EPM2A: variants seen among roughly 807,000 people sequenced by gnomAD.
EPM2A encodes the protein EPM2A glucan phosphatase, laforin, also known as laforin.
EPM2A carries 21 observed loss-of-function variants against 26.5 expected under a neutral mutation model. That is an observed-to-expected ratio of 0.79 (90% CI 0.56 to 1.14). EPM2A has a LOEUF of 1.14. Among genes scored for constraint, EPM2A ranks in the 50% most tolerant of loss-of-function variants. EPM2A has a pLI of 0.00. For synonymous variants in EPM2A, 217 were observed against 177.6 expected (o/e 1.22, Z -1.76); for missense variants, 458 against 440.8 (o/e 1.04, Z -0.35).
chr6:145,620,666 T>C (rs1775614044), downstream of EPM2A, among the ~76,000 whole-genome samples: 1 of 152,260 alleles, frequency 6.6e-6, no homozygotes, highest in South Asian at 2.1e-4. Flanking sequence ...GTAATGACAA[T>C]GACCTGTTCT....
At chr6:145,557,940 T>G (rs1364557615) in intron 2 of EPM2A, among the ~76,000 whole-genome samples, 3 of 152,088 alleles carry the variant, frequency 2.0e-5, no homozygotes, top group Non-Finnish European at 4.4e-5. Flanking sequence ...CCTTTGTTTT[T>G]CCATAAGTGG....
intron 2 of EPM2A, among the ~76,000 whole-genome samples, chr6:145,679,748 C>T (rs564412078): frequency 3.1e-4 from 47 of 152,164 alleles, no homozygotes; most frequent in African/African-American, 1.1e-3. Context: ...AAAACAAAAA[C>T]AAAAACACTT....
At chr6:145,682,915 A>C (rs1780646629) in intron 2 of EPM2A, among the ~76,000 whole-genome samples, 1 of 152,284 alleles carries the variant, frequency 6.6e-6, no homozygotes, top group East Asian at 1.9e-4. Flanking sequence ...CATTGTATAA[A>C]TGCTCAAACA....
intron 1 of EPM2A, among the ~76,000 whole-genome samples, chr6:145,724,682 A>C (rs1325174164): frequency 6.6e-6 from 1 of 152,100 alleles, no homozygotes; most frequent in African/African-American, 2.4e-5. Flanking sequence ...CTGAATAGAG[A>C]GCACAGAAAT....
intron 4 of EPM2A, among the ~76,000 whole-genome samples, chr6:145,458,559 T>C (rs1360792045): frequency 1.3e-5 from 2 of 152,100 alleles, no homozygotes; most frequent in Non-Finnish European, 2.9e-5. Flanking sequence ...GTTACAAAAG[T>C]CTCCCTGTAG....
At position 145,508,252 on chromosome 6, in the gene EPM2A, C is replaced by T. The variant is rs1780005968; in HGVS notation, c.341-5677G>A. The stretch of plus-strand genomic sequence containing the variant: ...CACTTCCTGGGCTTCTCCATTGGCT[C>T]TACCCCCACCAAAGGTGAGCATGAG... On this transcript the variant is annotated intron_variant, in intron 2 of 3. Transcript: ENST00000450221. 2.0e-5 allele frequency among the ~76,000 whole-genome samples: 3 copies of T among 152,190 alleles called. No homozygotes were observed. In the South Asian group the frequency reaches 6.2e-4, roughly 31 times the overall value.
In EPM2A at chr6:145,702,358, G is replaced by A. The variant is rs927147989; in HGVS notation, c.302-16062C>T. On this transcript the variant is annotated intron_variant, in intron 1 of 3. Transcript: ENST00000367519. ...AGACAGTATTTTATAGCAGTTAAGT[G>A]CATGGGCTCAAGATTCAGACTCAGA... is the stretch of plus-strand genomic sequence containing the variant. 2.0e-5 allele frequency among the ~76,000 whole-genome samples: 3 copies of A among 152,108 alleles called. No individual in the cohort carries two copies. In the South Asian group the frequency reaches 6.2e-4, roughly 32 times the overall value.
At chr6:145,447,979 A>G (rs1562338535) in intron 4 of EPM2A, among the ~76,000 whole-genome samples, 1 of 152,110 alleles carries the variant, frequency 6.6e-6, no homozygotes, top group Non-Finnish European at 1.5e-5. Flanking sequence ...ATACTTGATA[A>G]ACTATTGGAA....
At chr6:145,497,554 T>G (rs1276345219), downstream of EPM2A, among the ~76,000 whole-genome samples, 1 of 47,608 alleles carries the variant, frequency 2.1e-5, no homozygotes, top group Non-Finnish European at 4.9e-5. Context: ...GATCTAGCCA[T>G]GCTTTCCTAG....
intron 4 of EPM2A, among the ~76,000 whole-genome samples, chr6:145,412,266 A>G (rs1223994326): frequency 6.6e-6 from 1 of 152,044 alleles, no homozygotes; most frequent in Non-Finnish European, 1.5e-5. Flanking sequence ...TGGCATACAT[A>G]CACATTTAGA....
At chr6:145,600,346 A>C (rs1781401080) in intron 2 of EPM2A, among the ~76,000 whole-genome samples, 1 of 152,124 alleles carries the variant, frequency 6.6e-6, no homozygotes, top group Non-Finnish European at 1.5e-5. Flanking sequence ...ACATTAGAAA[A>C]CTAGGATTCC....
chr6:145,693,190 T>G (rs1781381058), intron 1 of EPM2A, among the ~76,000 whole-genome samples: 1 of 152,048 alleles, frequency 6.6e-6, no homozygotes, highest in Non-Finnish European at 1.5e-5. Flanking sequence ...AAATGGGATT[T>G]CATTCTTGAT....
chr6:145,686,032 A>C, intron 2 of EPM2A, 90 bp downstream of exon 2: 2 of 1,154,138 alleles, frequency 1.7e-6, no homozygotes, highest in Non-Finnish European at 2.6e-6. Context: ...CAAGTGAGGC[A>C]CTGCAGTTTC....
rs1056022690 is a variant in EPM2A at position 145,384,869 on chromosome 6, T to A, written c.556-772A>T. Reference sequence around the variant, plus strand: ...CATATTGGAAAGTCTAGAGTAAACTTTTTGAGGAAAATGTTTAAGAGATAA... The same window carrying A: ...CATATTGGAAAGTCTAGAGTAAACTATTTGAGGAAAATGTTTAAGAGATAA... On this transcript the variant is annotated intron_variant, in intron 4 of 4. Coordinates refer to the EPM2A transcript ENST00000638717. Among the ~76,000 whole-genome samples, 7 of 147,614 alleles carry A rather than the reference T, an allele frequency of 4.7e-5. 1 individual carries two copies. The highest frequency in any genetic ancestry group is 1.8e-4 in the African/African-American group (7 of 39,836).
At chr6:145,536,252 T>TGTTTTA (rs1370224517) in intron 2 of EPM2A, among the ~76,000 whole-genome samples, 3 of 60,004 alleles carry the variant, frequency 5.0e-5, no homozygotes, top group African/African-American at 1.5e-4. Flanking sequence ...GTTGGTTTTT[T>TGTTTTA]GTTTTTGTTT....
chr6:145,583,334 C>T (rs1781141621), intron 2 of EPM2A, among the ~76,000 whole-genome samples: 1 of 151,994 alleles, frequency 6.6e-6, no homozygotes, highest in Non-Finnish European at 1.5e-5. Flanking sequence ...GGGTTTTTTT[C>T]TTTTATCTTC....
chr6:145,685,466 G>A (rs1291589219), intron 2 of EPM2A, among the ~76,000 whole-genome samples: 1 of 152,040 alleles, frequency 6.6e-6, no homozygotes, highest in Non-Finnish European at 1.5e-5. Flanking sequence ...GGAATCAATA[G>A]CTATTTTTAA....
At position 145,613,897 on chromosome 6, in the gene EPM2A, T is replaced by A. The variant is rs112247418; in HGVS notation, c.340+21348A>T. ...TCATAATGATTAATGAGCATCTGGC[T>A]TCAACTTAAAGTCACCAGCTACAGT... On this transcript the variant is annotated intron_variant, in intron 2 of 3. Transcript: ENST00000450221. Among the ~76,000 whole-genome samples, 1,197 of 152,350 alleles carry A rather than the reference T, an allele frequency of 7.9e-3. 5 individuals carry two copies. The highest frequency in any genetic ancestry group is 0.01 in the Non-Finnish European group (697 of 68,042).
chr6:145,527,317 G>A (rs1337826317), intron 2 of EPM2A, among the ~76,000 whole-genome samples: 1 of 152,036 alleles, frequency 6.6e-6, no homozygotes, highest in Non-Finnish European at 1.5e-5. Flanking sequence ...TGGTCAAATG[G>A]TGAATTTAAG....
Sources: allele counts gnomAD v4.1 joint callset (sites outside exome capture counted in the v4.1 genomes callset), GRCh38; gene constraint gnomAD v4.1.1; transcripts MANE v1.5; gene names NCBI Gene and HGNC (gene_info 2026-07-23, HGNC 2026-07-21).